The following CD53 variants were observed in gnomAD, a reference collection of about 807,000 sequenced individuals.
The protein encoded by CD53 is leukocyte surface antigen CD53.
Under a neutral mutation model 27.3 loss-of-function variants are expected in CD53, and 20 were observed. The observed-to-expected ratio is 0.73, with a 90% CI of 0.52 to 1.07. CD53 has a LOEUF of 1.07. Ranked by LOEUF, CD53 falls within the 50% of genes least tolerant of loss-of-function variation. The pLI is 0.00. For missense variants in CD53, 216 were observed against 264.0 expected (o/e 0.82, Z 1.26); for synonymous variants, 106 against 105.3 (o/e 1.01, Z -0.04).
At chr1:110,877,383 G>A (rs996244704) in intron 1 of CD53, among the ~76,000 whole-genome samples, 9 of 152,166 alleles carry the variant, frequency 5.9e-5, no homozygotes, top group African/African-American at 1.4e-4. Context: ...GCCTCTAGCC[G>A]AGGGACCCCG....
At chr1:110,876,655 A>C (rs962871795) in intron 1 of CD53, among the ~76,000 whole-genome samples, 2 of 152,066 alleles carry the variant, frequency 1.3e-5, no homozygotes, top group Non-Finnish European at 2.9e-5. Flanking sequence ...GAATTATTCC[A>C]TAGTTTAGTC....
At chr1:110,872,331 G>C (rs1164441629), upstream of CD53, among the ~76,000 whole-genome samples, 1 of 152,180 alleles carries the variant, frequency 6.6e-6, no homozygotes, top group Non-Finnish European at 1.5e-5. Flanking sequence ...TTAGTTGTAT[G>C]AGCTTGGGCA....
chr1:110,886,604 T>A (rs1656613419), intron 1 of CD53, among the ~76,000 whole-genome samples: 1 of 152,002 alleles, frequency 6.6e-6, no homozygotes, highest in Non-Finnish European at 1.5e-5. Context: ...ATCCCAGCAC[T>A]TTGGGAGGCC....
rs778974824 is a variant in CD53 at position 110,891,397 on chromosome 1, G to C, written c.-12G>C. 54 of 1,610,648 alleles carry C rather than the reference G, an allele frequency of 3.4e-5. No homozygotes were observed. Among genetic ancestry groups the C allele is most frequent in the Non-Finnish European group, 4.3e-5 (51 of 1,176,938 alleles). On this transcript the variant is annotated 5_prime_UTR_variant, in exon 2 of 8. Coordinates refer to ENST00000271324, the MANE Select transcript of CD53 (RefSeq NM_000560.4). ...TCTTCTTCCTTATTCCTTAGGGCAA[G>C]AATATCACGGCATGGGCATGAGTAG...
At chr1:110,898,547 C>T (rs1033466252) in intron 7 of CD53, among the ~76,000 whole-genome samples, 1 of 152,012 alleles carries the variant, frequency 6.6e-6, no homozygotes, top group East Asian at 1.9e-4. Context: ...ATTTGAAAAC[C>T]TGATCTTGCA....
At chr1:110,877,797 T>C (rs1656183720) in intron 1 of CD53, among the ~76,000 whole-genome samples, 1 of 152,226 alleles carries the variant, frequency 6.6e-6, no homozygotes, top group Non-Finnish European at 1.5e-5. Flanking sequence ...TGAGAGTTGA[T>C]GCTTTGGCTT....
chr1:110,874,828 T>C (rs1019825142), intron 1 of CD53, among the ~76,000 whole-genome samples: 52 of 152,232 alleles, frequency 3.4e-4, no homozygotes, highest in Admixed American at 1.6e-3. Flanking sequence ...CCTTGGTTTT[T>C]TGTGCCCTCT....
At chr1:110,871,230 C>T (rs1284853230), upstream of CD53, among the ~76,000 whole-genome samples, 1 of 152,040 alleles carries the variant, frequency 6.6e-6, no homozygotes, top group African/African-American at 2.4e-5. Flanking sequence ...CCAAGGTGGT[C>T]TTGAAGGACA....
In CD53 at chr1:110,899,295, T is replaced by C. The variant is rs2101071855; in HGVS notation, c.*100T>C. The stretch of plus-strand genomic sequence containing the variant: ...CATGATCACTGCAGGATGATCCTCC[T>C]CCCATCCTTTCCCTTTTTAGGTCCC... On this transcript the variant is annotated 3_prime_UTR_variant, in exon 8 of 8. Transcript: ENST00000271324. The C allele has an allele frequency of 2.5e-6, 2 of 791,004 alleles. No homozygotes were observed. The highest frequency in any genetic ancestry group is 2.7e-5 in the East Asian group (1 of 37,670). 49.0% of individuals were successfully genotyped at this position (791,004 alleles called of 1,614,324 possible).
chr1:110,885,368 C>A (rs1484881870), intron 1 of CD53, among the ~76,000 whole-genome samples: 1 of 151,934 alleles, frequency 6.6e-6, no homozygotes, highest in Non-Finnish European at 1.5e-5. Flanking sequence ...GAAACCCCGT[C>A]TCTATTAAAA....
At chr1:110,897,636 A>G (rs2101068826) in intron 6 of CD53, 173 bp from the exon 7 acceptor site, 1 of 485,926 alleles carries the variant, frequency 2.1e-6, no homozygotes, top group Non-Finnish European at 3.7e-6. Context: ...CTGTAGTTTA[A>G]TATTTCCCAC....
chr1:110,896,741 T>C lies in CD53; in HGVS notation c.504+8T>C, dbSNP rs1657081482. On this transcript the variant is annotated splice_region_variant and intron_variant, in intron 6 of 7. Transcript: ENST00000271324. ...TCAGATCGAAAAGTGGAGGTAATTT[T>C]GTCGGCAATGTTTCTGTTATTGACC... The C allele has an allele frequency of 6.2e-7, 1 of 1,610,526 alleles. No homozygotes were observed. The highest frequency in any genetic ancestry group is 8.5e-7 in the Non-Finnish European group (1 of 1,178,080).
chr1:110,884,444 T>C (rs1339762777), intron 1 of CD53, among the ~76,000 whole-genome samples: 3 of 152,128 alleles, frequency 2.0e-5, no homozygotes, highest in Non-Finnish European at 4.4e-5. Flanking sequence ...TGTTCTGCTG[T>C]TGTGGGGTGG....
intron 2 of CD53, 26 bp from the exon 3 acceptor site, chr1:110,892,319 G>A: frequency 2.5e-6 from 4 of 1,593,448 alleles, no homozygotes; most frequent in Non-Finnish European, 2.6e-6. Context: ...TTTTGCTTCA[G>A]GATGTTGTGG....
chr1:110,886,869 A>ATATTTTTT (rs1298376721), intron 1 of CD53, among the ~76,000 whole-genome samples: 74 of 82,782 alleles, frequency 8.9e-4, no homozygotes, highest in East Asian at 2.7e-3. Context: ...ATATATATAT[A>ATATTTTTT]TTTTTTTTTT....
At chr1:110,890,240 C>T (rs1438552429) in intron 1 of CD53, among the ~76,000 whole-genome samples, 1 of 152,090 alleles carries the variant, frequency 6.6e-6, no homozygotes, top group Non-Finnish European at 1.5e-5. Context: ...AAAAATGAGT[C>T]ACTTTATAGA....
Position 110,895,004 on chromosome 1 carries a change from T to C in CD53, c.372T>C (p.Arg124=), listed in dbSNP as rs1310354491. 2 of 1,613,968 alleles carry C rather than the reference T, an allele frequency of 1.2e-6. No individual in the cohort carries two copies. The highest frequency in any genetic ancestry group is 1.7e-6 in the Non-Finnish European group (2 of 1,179,962). Residue 124 remains arginine (R), a synonymous_variant, in exon 5 of 8, where the codon CGT becomes CGC. Transcript: ENST00000271324. ...AGGGTCTGACCGACAGCATCCACCG[T>C]TACCACTCAGACAATAGCACCAAGG... ...VAKGLTDSIH[R]YHSDNSTKAA...
At chr1:110,896,571 G>A (rs904537915) in intron 5 of CD53, 82 bp from the exon 6 acceptor site, 3 of 1,291,816 alleles carry the variant, frequency 2.3e-6, no homozygotes, top group South Asian at 1.2e-5. Flanking sequence ...GATCTGAAGG[G>A]CACACCTTTT....
Position 110,899,217 on chromosome 1 carries a change from A to G in CD53, c.*22A>G. On this transcript the variant is annotated 3_prime_UTR_variant, in exon 8 of 8. Transcript: ENST00000271324. ...ATGATCTGCAGTAGTCCTGTGGTGA[A>G]GAGACTTGTTTCATCTCCGGAAATG... 6.4e-7 allele frequency: 1 copy of G among 1,563,300 alleles called. No homozygotes were observed. Among genetic ancestry groups the G allele is most frequent in the Non-Finnish European group, 8.8e-7 (1 of 1,133,434 alleles).
Sources: allele counts gnomAD v4.1 joint callset (sites outside exome capture counted in the v4.1 genomes callset), GRCh38; gene constraint gnomAD v4.1.1; transcripts MANE v1.5; gene names NCBI Gene and HGNC (gene_info 2026-07-23, HGNC 2026-07-21).